TUBB8: variants seen among roughly 807,000 people sequenced by gnomAD.
TUBB8 encodes tubulin beta 8 class VIII.
A neutral mutation model predicts 33.7 loss-of-function variants in TUBB8; 25 were observed. The observed-to-expected ratio is 0.74, with a 90% CI of 0.54 to 1.04. The LOEUF is 1.04. TUBB8 is among the 50% of genes least tolerant of loss of function. The pLI is 0.00. For missense variants in TUBB8, 279 were observed against 608.0 expected, an observed-to-expected ratio of 0.46 and a Z score of 5.69; for synonymous variants, 245 against 240.1, an observed-to-expected ratio of 1.02 and a Z score of -0.19.
At chr10:74,056 TG>T in exon 1 of TUBB8, 1 of 153,642 alleles carries the variant, frequency 6.5e-6, no homozygotes. Context: ...CGGCCCCTCC[TG>T]GGTGGGTGCT....
chr10:72,909 C>T (rs576284887), intron 1 of TUBB8, among the ~76,000 whole-genome samples: 3 of 150,238 alleles, frequency 2.0e-5, no homozygotes, highest in African/African-American at 7.3e-5. Context: ...CAGGGCCATA[C>T]GGGTTTACAG....
intron 1 of TUBB8, among the ~76,000 whole-genome samples, chr10:55,055 G>A (rs530227026): frequency 7.9e-5 from 12 of 152,318 alleles, no homozygotes; most frequent in South Asian, 2.1e-4. Context: ...TGCGCCTGGC[G>A]AGACTGGGTA....
At chr10:53,273 A>C (rs1169724470), upstream of TUBB8, among the ~76,000 whole-genome samples, 1 of 152,130 alleles carries the variant, frequency 6.6e-6, no homozygotes, top group Admixed American at 6.5e-5. Context: ...GATTACAGGC[A>C]TGAATCACCA....
upstream of TUBB8, chr10:49,459 G>A (rs1223005597): frequency 4.1e-5 from 28 of 691,238 alleles, no homozygotes; most frequent in Non-Finnish European, 6.3e-5. Context: ...GTGTCCTTGC[G>A]TGGTCCTTTC....
chr10:47,802 T>G lies in TUBB8; in HGVS notation c.590A>C (p.Asp197Ala). Residue 197 changes from aspartate to alanine, a missense_variant, in exon 4 of 4, where the codon GAT (aspartate) becomes GCT (alanine). Physicochemically the swap from Asp to Ala is moderately radical, Grantham distance 126. This residue lies in a region of TUBB8 where 96 missense variants were observed against 233.7 expected (regional missense o/e 0.41). Coordinates refer to ENST00000568584, the MANE Select transcript of TUBB8 (RefSeq NM_177987.3). ...TTCGTTATCTATGCAAAAGGTCTCATCTGCGTTTTCTATGAGCTGGTGGAC... is the reference window on the plus strand; with the variant it reads ...TTCGTTATCTATGCAAAAGGTCTCAGCTGCGTTTTCTATGAGCTGGTGGAC... ...LSVHQLIENA[D>A]ETFCIDNEAL... is the part of the protein sequence containing the mutation. 6.2e-7 allele frequency: 1 copy of G among 1,614,216 alleles called. No homozygotes were observed. The highest frequency in any genetic ancestry group is 8.5e-7 in the Non-Finnish European group (1 of 1,180,038).
intron 1 of TUBB8, among the ~76,000 whole-genome samples, chr10:64,998 A>T (rs1834652006): frequency 7.1e-6 from 1 of 140,604 alleles, no homozygotes; most frequent in Admixed American, 7.1e-5. Context: ...AAAAAAAAAA[A>T]ATAGTTGGGC....
chr10:75,820 A>G (rs1478967521), upstream of TUBB8, among the ~76,000 whole-genome samples: 2 of 152,094 alleles, frequency 1.3e-5, no homozygotes, highest in South Asian at 4.2e-4. Context: ...CGTTGTTTCC[A>G]CTACGTTAAC....
intron 1 of TUBB8, among the ~76,000 whole-genome samples, chr10:58,069 A>C (rs1834555684): frequency 6.6e-6 from 1 of 152,236 alleles, no homozygotes; most frequent in South Asian, 2.1e-4. Context: ...TTCCAACAGA[A>C]ACCCTAAATC....
chr10:54,713 T>C (rs1210473568), intron 1 of TUBB8, among the ~76,000 whole-genome samples: 2 of 152,174 alleles, frequency 1.3e-5, no homozygotes, highest in African/African-American at 4.8e-5. Flanking sequence ...TATTGTAGTG[T>C]ATTAGTCTGT....
chr10:49,569 G>C, upstream of TUBB8: 1 of 564,396 alleles, frequency 1.8e-6, no homozygotes, highest in Non-Finnish European at 3.4e-6. Flanking sequence ...CCATGTGGGA[G>C]GGGAAGACTC....
intron 1 of TUBB8, among the ~76,000 whole-genome samples, chr10:55,977 T>A (rs1554740115): frequency 1.3e-5 from 2 of 152,246 alleles, no homozygotes; most frequent in African/African-American, 4.8e-5. Context: ...TGGTGTTTTG[T>A]GGTTCCATAT....
upstream of TUBB8, among the ~76,000 whole-genome samples, chr10:74,625 CAAAA>C (rs35723619): frequency 7.8e-5 from 7 of 89,674 alleles, no homozygotes; most frequent in Non-Finnish European, 1.1e-4. Flanking sequence ...GACTCAGTAT[CAAAA>C]AAAAAAAAAA....
chr10:70,976 C>T (rs1256806587), intron 1 of TUBB8, among the ~76,000 whole-genome samples: 4 of 152,070 alleles, frequency 2.6e-5, no homozygotes, highest in African/African-American at 9.7e-5. Flanking sequence ...CACCGATTAG[C>T]ATAGAAAAGC....
intron 1 of TUBB8, among the ~76,000 whole-genome samples, chr10:67,892 C>G (rs1423275950): frequency 6.6e-6 from 1 of 152,222 alleles, no homozygotes; most frequent in African/African-American, 2.4e-5. Context: ...ACCTCAGCCT[C>G]TAGAGTAACT....
At chr10:48,963 C>T (rs782410536) in intron 1 of TUBB8, 51 bp from the exon 2 acceptor site, 7 of 1,359,274 alleles carry the variant, frequency 5.1e-6, no homozygotes, top group South Asian at 1.2e-5. Flanking sequence ...CAGGGAGGCG[C>T]CCCAGCCGCT....
At chr10:65,807 C>T (rs1352737664) in intron 1 of TUBB8, among the ~76,000 whole-genome samples, 2 of 152,238 alleles carry the variant, frequency 1.3e-5, no homozygotes, top group Non-Finnish European at 2.9e-5. Flanking sequence ...GAGGATTGCA[C>T]AACATGATCA....
At chr10:69,045 G>C (rs1175719832) in intron 1 of TUBB8, among the ~76,000 whole-genome samples, 1 of 152,226 alleles carries the variant, frequency 6.6e-6, no homozygotes, top group Non-Finnish European at 1.5e-5. Flanking sequence ...CCACCAGAAA[G>C]AGCACAATCC....
At chr10:64,452 C>G (rs1488748073) in intron 1 of TUBB8, among the ~76,000 whole-genome samples, 7 of 151,988 alleles carry the variant, frequency 4.6e-5, no homozygotes, top group Non-Finnish European at 7.4e-5. Context: ...AACCCTAACT[C>G]TAAAACCCTA....
intron 1 of TUBB8, among the ~76,000 whole-genome samples, chr10:67,874 A>T (rs11253159): frequency 0.26 from 38,731 of 151,440 alleles, 3,939 homozygotes; most frequent in Middle Eastern, 0.37. Flanking sequence ...GGCTCAAAAG[A>T]TCCTCCCACC....
Sources: allele counts gnomAD v4.1 joint callset (sites outside exome capture counted in the v4.1 genomes callset), GRCh38; gene constraint gnomAD v4.1.1; regional missense constraint gnomAD v4.1.1; transcripts MANE v1.5; gene names NCBI Gene and HGNC (gene_info 2026-07-23, HGNC 2026-07-21).